SNAP47: variants seen among roughly 807,000 people sequenced by gnomAD.
The protein encoded by SNAP47 is synaptosome associated protein 47.
SNAP47 carries 20 observed loss-of-function variants against 31.4 expected under a neutral mutation model. The ratio of observed to expected loss-of-function variants is 0.64; its 90% confidence interval spans 0.45 to 0.93. The LOEUF is 0.93. Among genes scored for constraint, SNAP47 ranks in the 40% least tolerant of loss-of-function variants. The probability of loss-of-function intolerance (pLI) is 0.00; values close to 1 mark genes in which losing one functional copy is unlikely to be tolerated. For missense variants in SNAP47, 492 were observed against 528.5 expected (o/e 0.93, Z 0.68); for synonymous variants, 194 against 213.4 (o/e 0.91, Z 0.79).
At chr1:227,743,530 T>C (rs1342859816) in intron 1 of SNAP47, among the ~76,000 whole-genome samples, 1 of 152,230 alleles carries the variant, frequency 6.6e-6, no homozygotes, top group Non-Finnish European at 1.5e-5. Flanking sequence ...CTGCATTGCG[T>C]GTTCGAGACT....
At chr1:227,764,387 GA>G (rs1177525092) in intron 3 of SNAP47, among the ~76,000 whole-genome samples, 2 of 152,150 alleles carry the variant, frequency 1.3e-5, no homozygotes, top group Non-Finnish European at 2.9e-5. Context: ...TAAAATTCCA[GA>G]ACGGCCTGAG....
chr1:227,775,700 A>T (rs1159078549), intron 4 of SNAP47: 1 of 1,257,414 alleles, frequency 8.0e-7, no homozygotes, highest in African/African-American at 1.5e-5. Context: ...ACCCTACTTC[A>T]TTAGGCTATT....
upstream of SNAP47, chr1:227,733,757 C>T (rs1660842421): frequency 1.9e-6 from 3 of 1,591,582 alleles, no homozygotes; most frequent in Non-Finnish European, 2.6e-6. Context: ...GAGGCCTGGT[C>T]CAACTGAAGG....
intron 4 of SNAP47, chr1:227,775,858 T>C: frequency 7.7e-7 from 1 of 1,303,990 alleles, no homozygotes; most frequent in Non-Finnish European, 1.0e-6. Context: ...TGCAGGAGCT[T>C]TGTGGAGACA....
intron 3 of SNAP47, among the ~76,000 whole-genome samples, chr1:227,765,596 T>C (rs1344748201): frequency 6.6e-6 from 1 of 152,064 alleles, no homozygotes; most frequent in Non-Finnish European, 1.5e-5. Flanking sequence ...CAAACCTAGG[T>C]TGTGAAATTG....
intron 4 of SNAP47, among the ~76,000 whole-genome samples, 167 bp downstream of exon 4, chr1:227,767,250 A>C (rs535983252): frequency 1.3e-5 from 2 of 152,318 alleles, no homozygotes; most frequent in Non-Finnish European, 2.9e-5. Context: ...GGAGGGAGGA[A>C]GGGCAGTGTC....
chr1:227,759,225 G>A lies in SNAP47; in HGVS notation c.728G>A (p.Ser243Asn). ...TCTGGGTTGGAAATACATGACTCCA[G>A]TTCTTTGCTCATGCACAGGTTTGAA... ...LVSGLEIHDS[S>N]SLLMHRFERE... Residue 243 changes from serine (S) to asparagine (N), a missense_variant, in exon 3 of 5, where the codon AGT becomes AAT. Physicochemically the swap from Ser to Asn is conservative, Grantham distance 46 (BLOSUM62 1). Coordinates refer to ENST00000617596, the MANE Select transcript of SNAP47 (RefSeq NM_053052.4). 1 of 1,614,200 alleles carries A rather than the reference G, an allele frequency of 6.2e-7. No homozygotes were observed. The highest frequency in any genetic ancestry group is 1.1e-5 in the South Asian group (1 of 91,088).
intron 4 of SNAP47, among the ~76,000 whole-genome samples, chr1:227,773,409 TAAAG>T (rs1332884363): frequency 1.3e-5 from 2 of 152,170 alleles, no homozygotes; most frequent in Non-Finnish European, 1.5e-5. Context: ...GAGTCAGAGT[TAAAG>T]AAAATCGTAG....
intron 2 of SNAP47, among the ~76,000 whole-genome samples, chr1:227,752,328 C>G (rs1662427265): frequency 6.6e-6 from 1 of 152,124 alleles, no homozygotes; most frequent in Non-Finnish European, 1.5e-5. Flanking sequence ...GTATGGAGAG[C>G]TGCAGCTACC....
At chr1:227,753,753 C>T (rs1662523248) in intron 2 of SNAP47, among the ~76,000 whole-genome samples, 1 of 152,006 alleles carries the variant, frequency 6.6e-6, no homozygotes, top group Non-Finnish European at 1.5e-5. Context: ...ACAGGGCATT[C>T]AACAGGGCAC....
At position 227,763,294 on chromosome 1, in the gene SNAP47, T is replaced by C. The variant is rs922533433; in HGVS notation, c.989-3665T>C. The stretch of plus-strand genomic sequence containing the variant: ...AAGGCTGTTTGATCACTGAGATTTT[T>C]CTTTGTCACTCACTGCCTGTCTTGG... On this transcript the variant is annotated intron_variant, in intron 3 of 4. Transcript: ENST00000617596. The surrounding 1 kb of genome is among the most constrained non-coding windows in gnomAD (Gnocchi z 4.2). Among the ~76,000 whole-genome samples the C allele has an allele frequency of 1.3e-5, 2 of 152,184 alleles. No individual in the cohort carries two copies. The highest frequency in any genetic ancestry group is 4.8e-5 in the African/African-American group (2 of 41,448).
At chr1:227,768,572 G>C (rs1212090621) in intron 4 of SNAP47, among the ~76,000 whole-genome samples, 1 of 152,192 alleles carries the variant, frequency 6.6e-6, no homozygotes, top group Non-Finnish European at 1.5e-5. Flanking sequence ...ATTTGCTCTG[G>C]GGTAATTCAA....
rs564486297 is a variant in SNAP47, at chr1:227,741,500, G to C, written c.-46+6001G>C. 1.2e-3 allele frequency among the ~76,000 whole-genome samples: 180 copies of C among 152,318 alleles called. No individual in the cohort carries two copies. The highest frequency in any genetic ancestry group is 4.1e-3 in the African/African-American group (172 of 41,564). On this transcript the variant is annotated intron_variant, in intron 1 of 4. Coordinates refer to ENST00000617596, the MANE Select transcript of SNAP47 (RefSeq NM_053052.4). The surrounding 1 kb of genome is among the most constrained non-coding windows in gnomAD (Gnocchi z 4.2). ...GGCACACCCCATGTTGATGTCTTGT[G>C]TGTGGCCACTTTCATTCCACCCCAG...
At chr1:227,764,589 A>G (rs2102968726) in intron 3 of SNAP47, among the ~76,000 whole-genome samples, 1 of 151,358 alleles carries the variant, frequency 6.6e-6, no homozygotes, top group South Asian at 2.1e-4. Flanking sequence ...GTAACATATT[A>G]AGACCCCCGT....
intron 4 of SNAP47, among the ~76,000 whole-genome samples, chr1:227,771,589 C>G (rs1663808643): frequency 6.6e-6 from 1 of 152,174 alleles, no homozygotes; most frequent in South Asian, 2.1e-4. Context: ...CCCTTTTAAC[C>G]TGTATGCTCT....
chr1:227,755,866 GGGCCACTGAGTGGCCCAA>G (rs1449938148), intron 2 of SNAP47, among the ~76,000 whole-genome samples: 1 of 152,192 alleles, frequency 6.6e-6, no homozygotes, highest in African/African-American at 2.4e-5. Context: ...AGGAGAACCT[GGGCCACTGAGTGGCCCAA>G]CGCCAGGGGG....
In SNAP47 at chr1:227,735,436, C is replaced by A. The variant is rs1285361986; in HGVS notation, c.-109C>A. 7 of 1,498,654 alleles carry A rather than the reference C, an allele frequency of 4.7e-6. No individual in the cohort carries two copies. The highest frequency in any genetic ancestry group is 6.2e-6 in the Non-Finnish European group (7 of 1,135,326). 92.8% of individuals were successfully genotyped at this position (1,498,654 alleles called of 1,614,324 possible). A position where few individuals can be genotyped will look rare whatever the true frequency, so the allele number is the denominator to read the frequency against. ...TGCGCGCGGCTCGCCGCGGTCTTCA[C>A]TGCGCAGGCGCCGAGCGGCCGAGGC... is the stretch of plus-strand genomic sequence containing the variant. On this transcript the variant is annotated 5_prime_UTR_variant, in exon 1 of 5. It adds an upstream start codon to the 5' untranslated region. Coordinates refer to ENST00000617596, the MANE Select transcript of SNAP47 (RefSeq NM_053052.4).
chr1:227,747,437 T>C (rs1299150963), intron 1 of SNAP47, among the ~76,000 whole-genome samples: 1 of 152,144 alleles, frequency 6.6e-6, no homozygotes, highest in African/African-American at 2.4e-5. Flanking sequence ...GTGTGAACCC[T>C]CTGCCTGGGG....
At chr1:227,761,487 G>A (rs1030011519) in intron 3 of SNAP47, among the ~76,000 whole-genome samples, 11 of 152,200 alleles carry the variant, frequency 7.2e-5, no homozygotes, top group African/African-American at 2.7e-4. Context: ...GGTGTGAAAT[G>A]TAATGAAATC....
Sources: gnomAD v4.1 joint callset for allele counts (sites outside exome capture counted in the v4.1 genomes callset) on GRCh38, gnomAD v4.1.1 for gene constraint, Gnocchi (gnomAD v3.1) non-coding constraint, MANE v1.5 for transcripts, NCBI Gene and HGNC (gene_info 2026-07-23, HGNC 2026-07-21) for gene names.